NID2: variants seen among roughly 807,000 people sequenced by gnomAD.
The protein encoded by NID2 is nidogen 2, also known as nidogen-2.
In NID2, 83 loss-of-function variants were observed where a neutral mutation model predicts 145.4. That is an observed-to-expected ratio of 0.57 (90% CI 0.48 to 0.69). NID2 has a LOEUF of 0.69. Ranked by LOEUF, NID2 falls within the 30% of genes least tolerant of loss-of-function variation. The probability of loss-of-function intolerance (pLI) is 0.00; values close to 1 mark genes in which losing one functional copy is unlikely to be tolerated. For missense variants in NID2, 1,807 were observed against 1,765.7 expected (o/e 1.02, Z -0.42); for synonymous variants, 739 against 701.3 (o/e 1.05, Z -0.85).
At position 52,005,169 on chromosome 14, in the gene NID2, T is replaced by TAATTCTTAGTTGAATGA. The variant is rs1199226217; in HGVS notation, c.*300_*316dup. The TAATTCTTAGTTGAATGA allele has an allele frequency of 2.1e-5, 5 of 239,210 alleles. No individual in the cohort carries two copies. The highest frequency in any genetic ancestry group is 1.1e-4 in the African/African-American group (5 of 44,448). The allele number at this position is 239,210 out of a possible 1,614,324, so 14.8% of individuals were successfully genotyped here. ...AAATCAGGTTTAGAGTCTTAAACTCTAATTCTTAGTTGAATGAATTTGATC... is the reference window on the plus strand; with the variant it reads ...AAATCAGGTTTAGAGTCTTAAACTCTAATTCTTAGTTGAATGAAATTCTTAGTTGAATGAATTTGATC... On this transcript the variant is annotated 3_prime_UTR_variant, in exon 22 of 22. Transcript: ENST00000216286.
intron 18 of NID2, chr14:52,008,760 A>G (rs565029572): frequency 6.6e-6 from 1 of 152,320 alleles, no homozygotes; most frequent in Non-Finnish European, 1.5e-5. Context: ...GATACAAACT[A>G]TGGAACTTGA....
intron 8 of NID2, among the ~76,000 whole-genome samples, chr14:52,039,547 C>T (rs1178456109): frequency 2.6e-5 from 4 of 152,166 alleles, no homozygotes; most frequent in Admixed American, 6.5e-5. Flanking sequence ...GTCAGTGATC[C>T]GGACACTGAC....
chr14:52,064,822 T>C (rs1311837975), intron 2 of NID2, among the ~76,000 whole-genome samples: 1 of 152,194 alleles, frequency 6.6e-6, no homozygotes, highest in Non-Finnish European at 1.5e-5. Context: ...TTTTTAGCCC[T>C]TTCAACCTGA....
At chr14:52,006,364 T>TGAAA (rs1378483638) in intron 20 of NID2, 173 bp downstream of exon 20, 6 of 664,500 alleles carry the variant, frequency 9.0e-6, no homozygotes, top group Non-Finnish European at 1.5e-5. Context: ...TTCAAAAACA[T>TGAAA]GAAAGGATGA....
chr14:52,043,860 G>T lies in NID2; in HGVS notation c.1430-929C>A, dbSNP rs9323226. 4.0e-3 allele frequency among the ~76,000 whole-genome samples: 611 copies of T among 152,216 alleles called. 4 individuals carry two copies. Among genetic ancestry groups the T allele is most frequent in the African/African-American group, 0.014 (588 of 41,544 alleles). Reference sequence around the variant, plus strand: ...TAGGAAATATGCCAATCCCAAGCATGGCCACCAGGAGGCCAAGCGGCTGCA... The same window carrying T: ...TAGGAAATATGCCAATCCCAAGCATTGCCACCAGGAGGCCAAGCGGCTGCA... On this transcript the variant is annotated intron_variant, in intron 5 of 21. Transcript: ENST00000216286.
chr14:52,035,585 C>T (rs1019029612), intron 9 of NID2, among the ~76,000 whole-genome samples: 1 of 152,156 alleles, frequency 6.6e-6, no homozygotes, highest in Non-Finnish European at 1.5e-5. Context: ...GTGATCCTCC[C>T]ACCTCAGCCT....
In NID2 at chr14:52,040,648, TA is replaced by T; in HGVS notation, c.2026+2del. The T allele has an allele frequency of 6.2e-7, 1 of 1,613,168 alleles. No individual in the cohort carries two copies. The highest frequency in any genetic ancestry group is 8.5e-7 in the Non-Finnish European group (1 of 1,179,128). ...TACAGATGTGAAGACTGGTTATACATACTGGAGTCGGAGTAGTGGTACAGCT... is the reference window on the plus strand; with the variant it reads ...TACAGATGTGAAGACTGGTTATACATCTGGAGTCGGAGTAGTGGTACAGCT... On this transcript the variant is annotated splice_donor_variant, in intron 8 of 21. Coordinates refer to ENST00000216286, the MANE Select transcript of NID2 (RefSeq NM_007361.4). LOFTEE classifies it high-confidence loss of function.
chr14:52,030,565 A>AAAGG (rs1383482209), intron 9 of NID2, among the ~76,000 whole-genome samples: 1 of 48,934 alleles, frequency 2.0e-5, no homozygotes, highest in African/African-American at 6.5e-5. Flanking sequence ...AGAAAGAAAG[A>AAAGG]AAGGAAGGAA....
In NID2 at chr14:52,005,822, A is replaced by ATGTT; in HGVS notation, c.4028_4031dup (p.His1344GlnfsTer3). 24 of 1,613,234 alleles carry ATGTT rather than the reference A, an allele frequency of 1.5e-5. No homozygotes were observed. The highest frequency in any genetic ancestry group is 2.0e-5 in the Non-Finnish European group (24 of 1,179,208). ...GATACTCATCAGTAAACTGGCCACT[A>ATGTT]TGTTTATTTACTGATACAACACCAT... On this transcript the variant is annotated frameshift_variant, in exon 21 of 22. Transcript: ENST00000216286. LOFTEE classifies it high-confidence loss of function.
intron 4 of NID2, 38 bp downstream of exon 4, chr14:52,053,982 G>A (rs376754268): frequency 6.2e-7 from 1 of 1,610,136 alleles, no homozygotes; most frequent in South Asian, 1.1e-5. Flanking sequence ...TTGGATGCAA[G>A]GGGGAGGACA....
At chr14:52,007,049 A>AT (rs1298050249) in intron 19 of NID2, 1 of 156,828 alleles carries the variant, frequency 6.4e-6, no homozygotes, top group African/African-American at 2.4e-5. Context: ...AATCCTTAGT[A>AT]TTTTTAAAAT....
intron 14 of NID2, 74 bp from the exon 15 acceptor site, chr14:52,015,349 A>C (rs2140354964): frequency 9.8e-4 from 1,380 of 1,401,230 alleles, no homozygotes; most frequent in Non-Finnish European, 1.2e-3. Flanking sequence ...AATGTAGCTC[A>C]AGACCCCATG....
At chr14:52,037,845 T>C (rs964072949) in intron 9 of NID2, among the ~76,000 whole-genome samples, 2 of 152,248 alleles carry the variant, frequency 1.3e-5, no homozygotes, top group African/African-American at 4.8e-5. Context: ...TGGGATGCAA[T>C]GTACAAGTAC....
chr14:52,005,108 T>C lies in NID2; in HGVS notation c.*378A>G, dbSNP rs1221008228. ...ATTATATTGTTATATTGATCACATG[T>C]GCTTTAATTTCTTGGCCAGAAGGAA... On this transcript the variant is annotated 3_prime_UTR_variant, in exon 22 of 22. Transcript: ENST00000216286. 1.1e-5 allele frequency: 2 copies of C among 177,482 alleles called. No homozygotes were observed. Among genetic ancestry groups the C allele is most frequent in the African/African-American group, 4.7e-5 (2 of 42,294 alleles). 11.0% of individuals were successfully genotyped at this position (177,482 alleles called of 1,614,324 possible).
At chr14:52,020,359 GA>G in intron 12 of NID2, 181 bp from the exon 13 acceptor site, 7 of 942,398 alleles carry the variant, frequency 7.4e-6, no homozygotes, top group South Asian at 1.8e-5. Context: ...TAGAAAGGAA[GA>G]AAAAAAATCA....
intron 2 of NID2, among the ~76,000 whole-genome samples, chr14:52,063,898 G>C (rs1005371158): frequency 2.6e-5 from 4 of 152,174 alleles, no homozygotes; most frequent in Admixed American, 6.5e-5. Context: ...CAAATGCTGA[G>C]TGCTATCACA....
intron 5 of NID2, among the ~76,000 whole-genome samples, chr14:52,044,951 T>C (rs1892433638): frequency 6.6e-6 from 1 of 152,044 alleles, no homozygotes; most frequent in South Asian, 2.1e-4. Flanking sequence ...CGTTTGCAGA[T>C]AAAGCTGAGG....
intron 3 of NID2, among the ~76,000 whole-genome samples, chr14:52,058,765 G>A (rs553623507): frequency 6.6e-6 from 1 of 152,106 alleles, no homozygotes; most frequent in Non-Finnish European, 1.5e-5. Flanking sequence ...AGCTGCTGAT[G>A]TGCAGGACCA....
At chr14:52,064,841 C>T (rs1357390179) in intron 2 of NID2, among the ~76,000 whole-genome samples, 1 of 152,180 alleles carries the variant, frequency 6.6e-6, no homozygotes, top group African/African-American at 2.4e-5. Context: ...GACTTAAATT[C>T]CAGATAAACA....
Sources: allele counts gnomAD v4.1 joint callset (sites outside exome capture counted in the v4.1 genomes callset), GRCh38; gene constraint gnomAD v4.1.1; transcripts MANE v1.5; gene names NCBI Gene and HGNC (gene_info 2026-07-23, HGNC 2026-07-21).